The following CAST variants were observed in gnomAD, a reference collection of about 807,000 sequenced individuals.
CAST encodes the protein calpastatin, also known as MIR583 host.
A neutral mutation model predicts 119.6 loss-of-function variants in CAST; 76 were observed. That is an observed-to-expected ratio of 0.64 (90% CI 0.53 to 0.77). The LOEUF (loss-of-function observed/expected upper bound fraction) is 0.77, where lower values mean the gene tolerates loss of function less well. Among genes scored for constraint, CAST ranks in the 30% least tolerant of loss-of-function variants. The pLI is 0.00. For missense variants in CAST, 953 were observed against 946.5 expected (o/e 1.01, Z -0.09); for synonymous variants, 319 against 331.6 (o/e 0.96, Z 0.41).
intron 24 of CAST, 57 bp from the exon 25 acceptor site, chr5:96,762,217 A>G: frequency 1.8e-6 from 2 of 1,095,278 alleles, no homozygotes; most frequent in Non-Finnish European, 2.7e-6. Flanking sequence ...AAGTGATGGC[A>G]TTGTGCTCAT....
At position 96,675,536 on chromosome 5, in the gene CAST, T is replaced by C. The variant is rs181141746; in HGVS notation, c.76-3T>C. The C allele has an allele frequency of 6.2e-7, 1 of 1,609,384 alleles. No homozygotes were observed. The highest frequency in any genetic ancestry group is 1.3e-5 in the African/African-American group (1 of 74,946). ...TTAAGCATTATTTTTTACTTTTTTA[T>C]AGCATGTCAGTGAAAAAACCAGTGA... On this transcript the variant is annotated splice_polypyrimidine_tract_variant and splice_region_variant and intron_variant, in intron 1 of 31. Coordinates refer to ENST00000675179, the MANE Select transcript of CAST (RefSeq NM_001750.7).
chr5:96,071,420 C>T, the CAST span, among the ~76,000 whole-genome samples: 1 of 152,102 alleles, frequency 6.6e-6, no homozygotes, highest in Non-Finnish European at 1.5e-5. Context: ...GTATATCAGT[C>T]CCCAGGCATG....
the CAST span, among the ~76,000 whole-genome samples, chr5:96,180,096 G>T: frequency 2.0e-5 from 3 of 152,110 alleles, no homozygotes; most frequent in East Asian, 5.8e-4. Flanking sequence ...ACATGTTCAG[G>T]AGTTGCACAT....
chr5:96,729,949 G>A (rs1002622008), intron 8 of CAST, among the ~76,000 whole-genome samples: 1 of 152,186 alleles, frequency 6.6e-6, no homozygotes, highest in Admixed American at 6.5e-5. Flanking sequence ...TAGGGGATGC[G>A]CTGTCCGTCC....
the CAST span, among the ~76,000 whole-genome samples, chr5:96,173,909 T>G: frequency 6.6e-6 from 1 of 151,604 alleles, no homozygotes; most frequent in Non-Finnish European, 1.5e-5. Context: ...GCCCGGCTAA[T>G]TTTTTTGTAT....
chr5:96,028,398 A>G, the CAST span, among the ~76,000 whole-genome samples: 1 of 152,016 alleles, frequency 6.6e-6, no homozygotes, highest in Non-Finnish European at 1.5e-5. Flanking sequence ...AGATCATAGG[A>G]GGTAAAAAAA....
chr5:96,659,281 C>T (rs145265618), upstream of CAST, among the ~76,000 whole-genome samples: 3 of 152,126 alleles, frequency 2.0e-5, no homozygotes, highest in East Asian at 1.9e-4. Flanking sequence ...CAGACATGCT[C>T]GAGGCACGGT....
chr5:96,625,898 C>T (rs904982977), intron 1 of CAST, among the ~76,000 whole-genome samples: 5 of 152,118 alleles, frequency 3.3e-5, no homozygotes, highest in Admixed American at 6.5e-5. Context: ...ACTTCCAATG[C>T]GAACTCACTC....
At chr5:96,026,471 G>T in the CAST span, among the ~76,000 whole-genome samples, 1 of 152,292 alleles carries the variant, frequency 6.6e-6, no homozygotes, top group South Asian at 2.1e-4. Context: ...AAAAACCACA[G>T]GCACTCTGTC....
At chr5:96,111,790 A>C in the CAST span, among the ~76,000 whole-genome samples, 1 of 152,112 alleles carries the variant, frequency 6.6e-6, no homozygotes, top group Non-Finnish European at 1.5e-5. Context: ...GCACCAATTT[A>C]TTTGTATGGA....
the CAST span, among the ~76,000 whole-genome samples, chr5:95,996,300 A>G: frequency 6.6e-6 from 1 of 152,166 alleles, no homozygotes; most frequent in Non-Finnish European, 1.5e-5. Context: ...GAATCCTAAG[A>G]CAATGCCTCA....
chr5:96,529,876 G>A (rs1291107847), exon 1 of CAST: 2 of 422,054 alleles, frequency 4.7e-6, no homozygotes, highest in African/African-American at 4.2e-5. Flanking sequence ...CAGCCATTCA[G>A]AACTGTGAGT....
the CAST span, among the ~76,000 whole-genome samples, chr5:96,417,388 A>C: frequency 6.6e-6 from 1 of 151,860 alleles, no homozygotes; most frequent in Non-Finnish European, 1.5e-5. Context: ...GTATGCTAGC[A>C]TTTTCCTGTT....
chr5:96,246,703 A>G, the CAST span, among the ~76,000 whole-genome samples: 1 of 152,042 alleles, frequency 6.6e-6, no homozygotes, highest in Non-Finnish European at 1.5e-5. Context: ...CCTCCCCTCA[A>G]ATTGCCAGCT....
chr5:96,367,619 G>A, the CAST span, among the ~76,000 whole-genome samples: 16 of 152,206 alleles, frequency 1.1e-4, 1 homozygote, highest in South Asian at 4.2e-4. Flanking sequence ...GGGACCCTCC[G>A]TGCCAGGCGC....
At chr5:96,451,728 T>G in the CAST span, among the ~76,000 whole-genome samples, 5 of 152,030 alleles carry the variant, frequency 3.3e-5, no homozygotes, top group East Asian at 1.9e-4. Context: ...GGGAGAAAAT[T>G]TTTTCAGTCT....
At chr5:96,497,858 T>G in the CAST span, among the ~76,000 whole-genome samples, 2 of 152,248 alleles carry the variant, frequency 1.3e-5, no homozygotes, top group Admixed American at 1.3e-4. Context: ...AGAAGCTCTT[T>G]AGTTTAATTA....
intron 4 of CAST, among the ~76,000 whole-genome samples, chr5:96,724,422 G>T (rs973310352): frequency 6.6e-6 from 1 of 151,954 alleles, no homozygotes; most frequent in Non-Finnish European, 1.5e-5. Flanking sequence ...GGCTCAAGCA[G>T]TCCTCCCATC....
the CAST span, among the ~76,000 whole-genome samples, chr5:96,243,176 CTG>C: frequency 2.7e-5 from 4 of 146,678 alleles, no homozygotes; most frequent in African/African-American, 7.7e-5. Flanking sequence ...TCAGCAGCAA[CTG>C]TTTTTTTTTT....
Sources: allele counts gnomAD v4.1 joint callset (sites outside exome capture counted in the v4.1 genomes callset), GRCh38; gene constraint gnomAD v4.1.1; transcripts MANE v1.5; gene names NCBI Gene and HGNC (gene_info 2026-07-23, HGNC 2026-07-21).